Variants in LAPTM4A observed in about 807,000 individuals in gnomAD.
The protein encoded by LAPTM4A is lysosomal protein transmembrane 4 alpha, also known as lysosomal-associated transmembrane protein 4A.
A neutral mutation model predicts 29.9 loss-of-function variants in LAPTM4A; 19 were observed. The ratio of observed to expected loss-of-function variants is 0.64; its 90% confidence interval spans 0.44 to 0.93. LAPTM4A has a LOEUF of 0.93. Ranked by LOEUF, LAPTM4A falls within the 40% of genes least tolerant of loss-of-function variation. LAPTM4A has a pLI of 0.00. For missense variants in LAPTM4A, 293 were observed against 288.5 expected, an observed-to-expected ratio of 1.02 and a Z score of -0.11; for synonymous variants, 105 against 102.1, an observed-to-expected ratio of 1.03 and a Z score of -0.17.
At chr2:20,044,542 A>G (rs1428233331) in intron 1 of LAPTM4A, among the ~76,000 whole-genome samples, 1 of 152,194 alleles carries the variant, frequency 6.6e-6, no homozygotes, top group Non-Finnish European at 1.5e-5. Context: ...GGTGGGAAGG[A>G]TCGCCTGAGC....
chr2:20,044,578 ACTAAGT>A (rs1673871345), intron 1 of LAPTM4A, among the ~76,000 whole-genome samples: 1 of 152,154 alleles, frequency 6.6e-6, no homozygotes, highest in Non-Finnish European at 1.5e-5. Context: ...AGGCAACAAT[ACTAAGT>A]CTGTCTCTTA....
At position 20,037,359 on chromosome 2, in the gene LAPTM4A, G is replaced by GAACTA. The variant is rs1229652491; in HGVS notation, c.384_388dup (p.Ser130LeufsTer52). On this transcript the variant is annotated frameshift_variant, in exon 4 of 7. Transcript: ENST00000175091. LOFTEE classifies it high-confidence loss of function. ...TTTGATTCTTGGCAAATAGGTGAGAGAACTAATAGCAACCAGGCAACTGAG... is the reference window on the plus strand; with the variant it reads ...TTTGATTCTTGGCAAATAGGTGAGAGAACTAAACTAATAGCAACCAGGCAACTGAG... 6.2e-7 allele frequency: 1 copy of GAACTA among 1,613,132 alleles called. No homozygotes were observed. Among genetic ancestry groups the GAACTA allele is most frequent in the African/African-American group, 1.3e-5 (1 of 74,898 alleles).
At chr2:20,038,129 T>C (rs1334253872) in intron 2 of LAPTM4A, among the ~76,000 whole-genome samples, 1 of 152,176 alleles carries the variant, frequency 6.6e-6, no homozygotes, top group Non-Finnish European at 1.5e-5. Context: ...CTACATACAT[T>C]ACCCTTTGCT....
At chr2:20,047,456 C>T (rs573731878) in intron 1 of LAPTM4A, among the ~76,000 whole-genome samples, 30 of 147,992 alleles carry the variant, frequency 2.0e-4, no homozygotes, top group African/African-American at 7.4e-4. Context: ...TTTGGGAGGC[C>T]GAGGCGGGTG....
intron 4 of LAPTM4A, among the ~76,000 whole-genome samples, chr2:20,036,446 A>T (rs1673678075): frequency 1.3e-5 from 2 of 152,172 alleles, no homozygotes; most frequent in Admixed American, 1.3e-4. Flanking sequence ...ATGGTGTATC[A>T]GTTAACTGTC....
At chr2:20,046,965 A>G (rs986271915) in intron 1 of LAPTM4A, among the ~76,000 whole-genome samples, 2 of 151,040 alleles carry the variant, frequency 1.3e-5, no homozygotes, top group Non-Finnish European at 2.9e-5. Context: ...ATCTTGCTGT[A>G]GAGAGAAAAA....
At chr2:20,049,607 A>T (rs1168721436) in intron 1 of LAPTM4A, among the ~76,000 whole-genome samples, 2 of 152,214 alleles carry the variant, frequency 1.3e-5, no homozygotes, top group Non-Finnish European at 2.9e-5. Context: ...AGCATCAAAA[A>T]ATCTGCCTGA....
intron 4 of LAPTM4A, among the ~76,000 whole-genome samples, chr2:20,036,958 T>G (rs1334334364): frequency 6.6e-6 from 1 of 152,234 alleles, no homozygotes; most frequent in East Asian, 1.9e-4. Flanking sequence ...TAGTAGGCAC[T>G]GGAATACTTG....
intron 2 of LAPTM4A, among the ~76,000 whole-genome samples, 169 bp downstream of exon 2, chr2:20,040,722 G>A (rs1372573609): frequency 6.6e-6 from 1 of 152,170 alleles, no homozygotes; most frequent in Non-Finnish European, 1.5e-5. Context: ...CATCGCCTAG[G>A]TGTATAGTAG....
At chr2:20,044,645 G>C (rs1673872650) in intron 1 of LAPTM4A, among the ~76,000 whole-genome samples, 1 of 152,098 alleles carries the variant, frequency 6.6e-6, no homozygotes, top group South Asian at 2.1e-4. Context: ...TAAGTCACAC[G>C]CTCATCCACT....
At chr2:20,048,633 AATC>A (rs1300297785) in intron 1 of LAPTM4A, among the ~76,000 whole-genome samples, 1 of 152,232 alleles carries the variant, frequency 6.6e-6, no homozygotes, top group East Asian at 1.9e-4. Context: ...ACACAGGGGG[AATC>A]ATCATCTCAG....
intron 1 of LAPTM4A, among the ~76,000 whole-genome samples, chr2:20,050,093 TAA>T (rs1323888061): frequency 6.6e-6 from 1 of 152,132 alleles, no homozygotes; most frequent in Non-Finnish European, 1.5e-5. Context: ...TTTCCGAATA[TAA>T]AAGTACAGGA....
chr2:20,036,604 A>G (rs879448833), intron 4 of LAPTM4A, among the ~76,000 whole-genome samples: 1 of 152,222 alleles, frequency 6.6e-6, no homozygotes, highest in Non-Finnish European at 1.5e-5. Context: ...CTAGGCAGGA[A>G]ATCTGGTAGT....
chr2:20,051,611 AC>A lies in LAPTM4A; in HGVS notation c.-92del, dbSNP rs2148217448. The A allele has an allele frequency of 1.3e-6, 1 of 796,610 alleles. No homozygotes were observed. Among genetic ancestry groups the A allele is most frequent in the Admixed American group, 2.5e-5 (1 of 39,586 alleles). 49.3% of individuals were successfully genotyped at this position (796,610 alleles called of 1,614,324 possible). A position where few individuals can be genotyped will look rare whatever the true frequency, so the allele number is the denominator to read the frequency against. On this transcript the variant is annotated 5_prime_UTR_variant, in exon 1 of 7. Transcript: ENST00000175091. ...AAACGGCTGTTTCACGGCCTCCAAA[AC>A]CCAACGACGCGTCTTCAAACCCGCC... is the stretch of plus-strand genomic sequence containing the variant.
chr2:20,034,276 T>C (rs777871229), intron 6 of LAPTM4A, 41 bp downstream of exon 6: 108 of 1,298,056 alleles, frequency 8.3e-5, no homozygotes, highest in Non-Finnish European at 1.2e-4. Context: ...GAACAGTCAA[T>C]AGTGACTGGT....
At chr2:20,034,753 C>G (rs1434028588) in intron 5 of LAPTM4A, among the ~76,000 whole-genome samples, 1 of 152,174 alleles carries the variant, frequency 6.6e-6, no homozygotes, top group Non-Finnish European at 1.5e-5. Context: ...AAAAGTAGGT[C>G]CTTTCACTCA....
At position 20,051,410 on chromosome 2, in the gene LAPTM4A, C is replaced by A; in HGVS notation, c.111G>T (p.Met37Ile). The change falls in exon 1 of 7, where the codon ATG (methionine) becomes ATT (isoleucine). Residue 37 changes from methionine to isoleucine, a missense_variant and splice_region_variant. Transcript: ENST00000175091. Reference protein sequence around the residue: ...TGTIILGTWYMVVNLLMAILL... With the variant: ...TGTIILGTWYIVVNLLMAILL... ...TACGCGCCACGCCTGCCCGCCTTAC[C>A]ATGTACCAGGTCCCCAGGATGATCG... 6.2e-7 allele frequency: 1 copy of A among 1,607,350 alleles called. No individual in the cohort carries two copies. Among genetic ancestry groups the A allele is most frequent in the South Asian group, 1.1e-5 (1 of 90,736 alleles).
chr2:20,036,329 T>C (rs572899956), intron 4 of LAPTM4A, among the ~76,000 whole-genome samples: 1 of 152,358 alleles, frequency 6.6e-6, no homozygotes, highest in African/African-American at 2.4e-5. Flanking sequence ...TTGTCTTCTA[T>C]ACTTTCTCTA....
intron 4 of LAPTM4A, 98 bp downstream of exon 4, chr2:20,037,218 A>C: frequency 1.0e-6 from 1 of 969,912 alleles, no homozygotes; most frequent in Non-Finnish European, 1.5e-6. Context: ...AAGCAAGCGG[A>C]GTAGTTAAAA....
Sources: allele counts gnomAD v4.1 joint callset (sites outside exome capture counted in the v4.1 genomes callset), GRCh38; gene constraint gnomAD v4.1.1; transcripts MANE v1.5; gene names NCBI Gene and HGNC (gene_info 2026-07-23, HGNC 2026-07-21).